The following ABHD17C variants were observed in gnomAD, a reference collection of about 807,000 sequenced individuals.
ABHD17C encodes alpha/beta hydrolase domain-containing protein 17C.
ABHD17C carries 11 observed loss-of-function variants against 27.9 expected under a neutral mutation model. The observed-to-expected ratio is 0.39, with a 90% CI of 0.25 to 0.65. ABHD17C has a LOEUF of 0.65. Among genes scored for constraint, ABHD17C ranks in the 30% least tolerant of loss-of-function variants. The pLI is 0.45. For missense variants in ABHD17C, 280 were observed against 470.2 expected, an observed-to-expected ratio of 0.60 and a Z score of 3.74; for synonymous variants, 233 against 209.1, an observed-to-expected ratio of 1.11 and a Z score of -0.98.
intron 1 of ABHD17C, among the ~76,000 whole-genome samples, chr15:80,712,089 A>G (rs149671045): frequency 7.8e-4 from 118 of 152,248 alleles, no homozygotes; most frequent in African/African-American, 2.8e-3. Flanking sequence ...CATAGTTCTA[A>G]GATTATGCCT....
chr15:80,730,157 T>C (rs1299741522), intron 1 of ABHD17C, among the ~76,000 whole-genome samples: 1 of 151,270 alleles, frequency 6.6e-6, no homozygotes, highest in African/African-American at 2.4e-5. Flanking sequence ...CAACTAGGCA[T>C]AGACATAATG....
At chr15:80,729,756 T>A (rs1007186295) in intron 1 of ABHD17C, among the ~76,000 whole-genome samples, 9 of 152,202 alleles carry the variant, frequency 5.9e-5, no homozygotes, top group African/African-American at 2.2e-4. Context: ...GAGAACCTAA[T>A]GGCATCTTGG....
At chr15:80,709,573 G>C (rs1295116920) in intron 1 of ABHD17C, among the ~76,000 whole-genome samples, 1 of 151,756 alleles carries the variant, frequency 6.6e-6, no homozygotes, top group Non-Finnish European at 1.5e-5. Flanking sequence ...CATACTCCTC[G>C]AAGACTCGCA....
chr15:80,722,866 C>T (rs986954650), intron 1 of ABHD17C, among the ~76,000 whole-genome samples: 7 of 152,200 alleles, frequency 4.6e-5, no homozygotes, highest in African/African-American at 1.4e-4. Flanking sequence ...TCTGCAGGAC[C>T]ATCCATGTTG....
At chr15:80,710,825 C>T (rs1894719132) in intron 1 of ABHD17C, among the ~76,000 whole-genome samples, 1 of 152,060 alleles carries the variant, frequency 6.6e-6, no homozygotes. Context: ...CCTGCCCCTG[C>T]CTCTGCCTCC....
chr15:80,709,888 G>A (rs193249640), intron 1 of ABHD17C, among the ~76,000 whole-genome samples: 34 of 152,190 alleles, frequency 2.2e-4, no homozygotes, highest in African/African-American at 8.0e-4. Context: ...GTCCACTGTG[G>A]GCCAGGCTTT....
intron 1 of ABHD17C, among the ~76,000 whole-genome samples, chr15:80,733,248 C>T (rs758005701): frequency 6.6e-6 from 1 of 152,178 alleles, no homozygotes; most frequent in Non-Finnish European, 1.5e-5. Flanking sequence ...CTTACAGAAT[C>T]CCTGTTTTAG....
intron 1 of ABHD17C, among the ~76,000 whole-genome samples, chr15:80,734,817 G>C (rs571010405): frequency 6.6e-6 from 1 of 152,202 alleles, no homozygotes; most frequent in Non-Finnish European, 1.5e-5. Context: ...TACATTAAGG[G>C]TGGATGCTGC....
chr15:80,717,318 A>G (rs1209376493), intron 1 of ABHD17C, among the ~76,000 whole-genome samples: 4 of 149,314 alleles, frequency 2.7e-5, no homozygotes, highest in Non-Finnish European at 4.4e-5. Context: ...CATCCATATT[A>G]AGTTTGAGTC....
At chr15:80,753,991 A>C (rs908320134) in intron 2 of ABHD17C, among the ~76,000 whole-genome samples, 160 bp from the exon 3 acceptor site, 19 of 152,178 alleles carry the variant, frequency 1.2e-4, no homozygotes, top group Non-Finnish European at 2.5e-4. Flanking sequence ...TTAAAAGATA[A>C]AGTCCTTAAT....
intron 1 of ABHD17C, among the ~76,000 whole-genome samples, chr15:80,703,945 A>G (rs1894608705): frequency 6.6e-6 from 1 of 152,186 alleles, no homozygotes; most frequent in Non-Finnish European, 1.5e-5. Flanking sequence ...AGGCACAGTA[A>G]GAGATTATCA....
chr15:80,740,500 A>C (rs1895195113), intron 1 of ABHD17C, among the ~76,000 whole-genome samples: 1 of 152,084 alleles, frequency 6.6e-6, no homozygotes, highest in Non-Finnish European at 1.5e-5. Context: ...GGAGTTGACC[A>C]AAGTAGGATG....
chr15:80,702,129 G>A (rs1053264825), intron 1 of ABHD17C, among the ~76,000 whole-genome samples: 7 of 152,144 alleles, frequency 4.6e-5, no homozygotes, highest in Non-Finnish European at 7.4e-5. Flanking sequence ...ACTCCTTAAT[G>A]TGTTCTCTTC....
At chr15:80,736,791 T>TA (rs1895136717) in intron 1 of ABHD17C, among the ~76,000 whole-genome samples, 1 of 152,236 alleles carries the variant, frequency 6.6e-6, no homozygotes, top group Admixed American at 6.5e-5. Context: ...CCCATTAACT[T>TA]AAACAGGATG....
chr15:80,726,987 G>A (rs1310095372), intron 1 of ABHD17C, among the ~76,000 whole-genome samples: 1 of 152,174 alleles, frequency 6.6e-6, no homozygotes, highest in Non-Finnish European at 1.5e-5. Flanking sequence ...TAGCTGCCTA[G>A]TGCTGGGAGT....
chr15:80,702,963 A>G (rs2141489943), intron 1 of ABHD17C: 1 of 152,350 alleles, frequency 6.6e-6, no homozygotes, highest in Admixed American at 6.5e-5. Context: ...CTAATTCACT[A>G]TGTCAGTTTT....
chr15:80,696,033 G>C lies in ABHD17C; in HGVS notation c.590+14G>C, dbSNP rs776882567. ...GCTGCGCACCCGGTGAGCCTGCCGG[G>C]GTCGCCAGGCCTGACTTCCAGCTGT... On this transcript the variant is annotated intron_variant, in intron 1 of 2. Transcript: ENST00000258884. The C allele has an allele frequency of 1.3e-6, 2 of 1,547,224 alleles. No individual in the cohort carries two copies. Among genetic ancestry groups the C allele is most frequent in the South Asian group, 1.2e-5 (1 of 85,664 alleles).
chr15:80,736,121 A>C (rs1450850332), intron 1 of ABHD17C, among the ~76,000 whole-genome samples: 1 of 152,236 alleles, frequency 6.6e-6, no homozygotes, highest in African/African-American at 2.4e-5. Context: ...ACTAACCTTT[A>C]AATTTTTATC....
intron 1 of ABHD17C, among the ~76,000 whole-genome samples, chr15:80,701,165 C>T (rs112802644): frequency 3.5e-4 from 53 of 152,238 alleles, no homozygotes; most frequent in African/African-American, 1.2e-3. Flanking sequence ...CCTCTCAGGT[C>T]GTGGGACCCT....
Sources: gnomAD v4.1 joint callset for allele counts (sites outside exome capture counted in the v4.1 genomes callset) on GRCh38, gnomAD v4.1.1 for gene constraint, MANE v1.5 for transcripts, NCBI Gene and HGNC (gene_info 2026-07-23, HGNC 2026-07-21) for gene names.